TENT4B: variants seen among roughly 807,000 people sequenced by gnomAD.
TENT4B encodes the protein PAP associated domain containing 5.
In TENT4B, 10 loss-of-function variants were observed where a neutral mutation model predicts 75.0. The observed-to-expected ratio is 0.13, with a 90% CI of 0.08 to 0.23. The LOEUF (loss-of-function observed/expected upper bound fraction) is 0.23, where lower values mean the gene tolerates loss of function less well. Ranked by LOEUF, TENT4B falls within the 10% of genes least tolerant of loss-of-function variation. The probability of loss-of-function intolerance (pLI) is 1.00; values close to 1 mark genes in which losing one functional copy is unlikely to be tolerated. For missense variants in TENT4B, 579 were observed against 893.8 expected (o/e 0.65, Z 4.49); for synonymous variants, 350 against 357.7 (o/e 0.98, Z 0.24).
rs2032396385 is a variant in TENT4B, at chr16:50,234,751, A to G, written c.*5423A>G. On this transcript the variant is annotated 3_prime_UTR_variant, in exon 12 of 12. Transcript: ENST00000561678. The stretch of plus-strand genomic sequence containing the variant: ...AAAAAGCAGCACTGCCTTAACACAC[A>G]TTGTTATGGGTGAAAAGTGAGGGAC... The G allele has an allele frequency of 1.0e-6, 1 of 985,468 alleles. No homozygotes were observed. Among genetic ancestry groups the G allele is most frequent in the East Asian group, 1.1e-4 (1 of 8,814 alleles). The allele number at this position is 985,468 out of a possible 1,614,324, so 61.0% of individuals were successfully genotyped here.
chr16:50,160,189 C>T (rs988412498), intron 1 of TENT4B, among the ~76,000 whole-genome samples: 18 of 152,348 alleles, frequency 1.2e-4, no homozygotes, highest in African/African-American at 3.8e-4. Context: ...TGAGCCACTG[C>T]GCCCGGCCGC....
intron 1 of TENT4B, among the ~76,000 whole-genome samples, chr16:50,194,216 C>CTTTTTTTTTT (rs5816679): frequency 1.4e-5 from 2 of 139,802 alleles, no homozygotes; most frequent in African/African-American, 2.6e-5. Context: ...TCTTTTCTTT[C>CTTTTTTTTTT]TTTTTTTTTT....
At chr16:50,205,558 C>CTTTTTTTTTT (rs535651074) in intron 1 of TENT4B, among the ~76,000 whole-genome samples, 1 of 43,966 alleles carries the variant, frequency 2.3e-5, no homozygotes, top group African/African-American at 9.1e-5. Flanking sequence ...GTTTACATGT[C>CTTTTTTTTTT]TTTTTTTTTT....
intron 1 of TENT4B, among the ~76,000 whole-genome samples, chr16:50,194,501 C>T (rs1437705814): frequency 6.6e-6 from 1 of 152,064 alleles, no homozygotes; most frequent in Non-Finnish European, 1.5e-5. Context: ...ATGCATGAGC[C>T]ACCATGCCTG....
intron 1 of TENT4B, among the ~76,000 whole-genome samples, chr16:50,167,967 TC>T (rs1424460507): frequency 6.6e-6 from 1 of 152,102 alleles, no homozygotes; most frequent in Non-Finnish European, 1.5e-5. Flanking sequence ...TGTTTTGAGT[TC>T]ATTTTTAAAA....
chr16:50,162,927 G>T (rs936117559), intron 1 of TENT4B, among the ~76,000 whole-genome samples: 4 of 152,192 alleles, frequency 2.6e-5, no homozygotes, highest in African/African-American at 9.6e-5. Context: ...GTGGTTTGTT[G>T]TTGGTGGTGG....
chr16:50,169,877 AT>A (rs1244634380), intron 1 of TENT4B, among the ~76,000 whole-genome samples: 1 of 152,174 alleles, frequency 6.6e-6, no homozygotes, highest in Admixed American at 6.5e-5. Context: ...GTCAGAAGCC[AT>A]ACCTGGCCTT....
intron 1 of TENT4B, among the ~76,000 whole-genome samples, chr16:50,176,359 A>G (rs182405229): frequency 6.6e-6 from 1 of 152,104 alleles, no homozygotes; most frequent in Non-Finnish European, 1.5e-5. Context: ...TGCTGCGATT[A>G]CAGGCATGAA....
At chr16:50,177,977 T>TTTAGAAGTG in intron 1 of TENT4B, among the ~76,000 whole-genome samples, 1 of 152,230 alleles carries the variant, frequency 6.6e-6, no homozygotes, top group South Asian at 2.1e-4. Flanking sequence ...CCATCTGTTA[T>TTTAGAAGTG]TTAGAAGTGT....
intron 1 of TENT4B, among the ~76,000 whole-genome samples, chr16:50,201,791 C>A (rs1484073386): frequency 6.7e-6 from 1 of 149,568 alleles, no homozygotes; most frequent in Non-Finnish European, 1.5e-5. Flanking sequence ...TGGAGTGAGC[C>A]ACTGTATTCC....
At chr16:50,205,730 A>G (rs1239783214) in intron 1 of TENT4B, among the ~76,000 whole-genome samples, 1 of 151,576 alleles carries the variant, frequency 6.6e-6, no homozygotes, top group East Asian at 1.9e-4. Flanking sequence ...AGCTGGAATT[A>G]CAGGCGCCTG....
chr16:50,179,152 C>G (rs2150693134), intron 1 of TENT4B, among the ~76,000 whole-genome samples: 1 of 149,826 alleles, frequency 6.7e-6, no homozygotes, highest in South Asian at 2.1e-4. Flanking sequence ...CACCTGAGGT[C>G]AGGAGTTTGA....
chr16:50,193,442 A>G (rs879508808), intron 1 of TENT4B, among the ~76,000 whole-genome samples: 9 of 151,098 alleles, frequency 6.0e-5, no homozygotes, highest in South Asian at 2.1e-4. Flanking sequence ...GGCTCAAGCA[A>G]TTCTCCTGCC....
rs953023221 is a variant in TENT4B, at chr16:50,232,094, CTG to C, written c.*2768_*2769del. On this transcript the variant is annotated 3_prime_UTR_variant, in exon 12 of 12. Transcript: ENST00000561678. ...CATTAGAAATATTAATATTTAAAGA[CTG>C]TTTTTTAGAGGAGCTGATGGGTTGG... 1.1e-4 allele frequency: 107 copies of C among 985,224 alleles called. No individual in the cohort carries two copies. Among genetic ancestry groups the C allele is most frequent in the Non-Finnish European group, 1.2e-4 (100 of 829,924 alleles). 61.0% of individuals were successfully genotyped at this position (985,224 alleles called of 1,614,324 possible). A position where few individuals can be genotyped will look rare whatever the true frequency, so the allele number is the denominator to read the frequency against.
Position 50,211,326 on chromosome 16 carries a change from G to T in TENT4B, c.642G>T (p.Leu214=). ...RRNYNQGVVG[L]HEEISDFYEY... ...ACTTTTCTGTTTTTTTCTTCAGTCT[G>T]CATGAAGAAATCAGTGATTTTTATG... The change falls in exon 2 of 12, where the codon CTG becomes CTT. Residue 214 remains leucine, a synonymous_variant. Transcript: ENST00000561678. 6.2e-7 allele frequency: 1 copy of T among 1,604,680 alleles called. No individual in the cohort carries two copies. The highest frequency in any genetic ancestry group is 1.1e-5 in the South Asian group (1 of 88,908).
intron 3 of TENT4B, among the ~76,000 whole-genome samples, chr16:50,214,646 A>T (rs2031457136): frequency 6.6e-6 from 1 of 152,104 alleles, no homozygotes; most frequent in Admixed American, 6.5e-5. Context: ...ACAGAGCAAG[A>T]CTCTGTCTCA....
rs2032374203 is a variant in TENT4B, at chr16:50,234,011, T to TACC, written c.*4684_*4686dup. 1.0e-6 allele frequency: 1 copy of TACC among 985,372 alleles called. No individual in the cohort carries two copies. The highest frequency in any genetic ancestry group is 1.2e-6 in the Non-Finnish European group (1 of 829,944). The allele number at this position is 985,372 out of a possible 1,614,324, so 61.0% of individuals were successfully genotyped here. The stretch of plus-strand genomic sequence containing the variant: ...CGTCTTTGTGGCTTCACCACTGAGC[T>TACC]ACCTTTCACTACACCAGCTTCTGTG... On this transcript the variant is annotated 3_prime_UTR_variant, in exon 12 of 12. Coordinates refer to ENST00000561678, the MANE Select transcript of TENT4B (RefSeq NM_001365324.3).
At chr16:50,210,658 C>CTA (rs2031231781) in intron 1 of TENT4B, among the ~76,000 whole-genome samples, 1 of 152,238 alleles carries the variant, frequency 6.6e-6, no homozygotes, top group South Asian at 2.1e-4. Context: ...ATTTAAATAG[C>CTA]TATCTGTTGC....
intron 1 of TENT4B, among the ~76,000 whole-genome samples, chr16:50,170,056 T>C (rs552953489): frequency 3.3e-4 from 50 of 152,236 alleles, no homozygotes; most frequent in Non-Finnish European, 6.6e-4. Context: ...TGTGCTAATA[T>C]TCTTTTTTTT....
Sources: gnomAD v4.1 joint callset for allele counts (sites outside exome capture counted in the v4.1 genomes callset) on GRCh38, gnomAD v4.1.1 for gene constraint, MANE v1.5 for transcripts, NCBI Gene and HGNC (gene_info 2026-07-23, HGNC 2026-07-21) for gene names.